TMEM132C: variants seen among roughly 807,000 people sequenced by gnomAD.
TMEM132C encodes transmembrane protein 132C.
A neutral mutation model predicts 61.4 loss-of-function variants in TMEM132C; 29 were observed. The observed-to-expected ratio is 0.47, with a 90% CI of 0.35 to 0.64. The LOEUF is 0.64. Among genes scored for constraint, TMEM132C ranks in the 30% least tolerant of loss-of-function variants. The pLI, the probability that TMEM132C is intolerant of heterozygous loss-of-function variation, is 0.00. For missense variants in TMEM132C, 1,408 were observed against 1,476.9 expected (o/e 0.95, Z 0.76); for synonymous variants, 656 against 633.1 (o/e 1.04, Z -0.54).
chr12:128,582,459 G>C (rs1875376173), intron 3 of TMEM132C, among the ~76,000 whole-genome samples: 1 of 147,080 alleles, frequency 6.8e-6, no homozygotes, highest in South Asian at 2.2e-4. Flanking sequence ...CTGTCACCCA[G>C]TGATATGGTT....
chr12:128,371,841 AG>A (rs967557135), intron 1 of TMEM132C, among the ~76,000 whole-genome samples: 12 of 152,302 alleles, frequency 7.9e-5, no homozygotes, highest in African/African-American at 2.9e-4. Context: ...AGCCTCCCAA[AG>A]CACCAGGATT....
intron 1 of TMEM132C, among the ~76,000 whole-genome samples, chr12:128,372,964 C>G (rs994433751): frequency 4.6e-5 from 7 of 152,180 alleles, no homozygotes; most frequent in South Asian, 2.1e-4. Flanking sequence ...TCAGAAGCAT[C>G]CAGTGCTGGA....
At chr12:128,652,982 C>T (rs757101420) in intron 4 of TMEM132C, among the ~76,000 whole-genome samples, 1 of 152,138 alleles carries the variant, frequency 6.6e-6, no homozygotes, top group Admixed American at 6.5e-5. Flanking sequence ...CTTAAATGTT[C>T]GTAGCAGCAT....
chr12:128,511,119 A>G (rs1175871441), intron 2 of TMEM132C, among the ~76,000 whole-genome samples: 1 of 152,140 alleles, frequency 6.6e-6, no homozygotes, highest in African/African-American at 2.4e-5. Flanking sequence ...GGATTTCTGC[A>G]ATTGATTTGT....
At chr12:128,598,310 C>G (rs1175300970) in intron 3 of TMEM132C, among the ~76,000 whole-genome samples, 1 of 152,096 alleles carries the variant, frequency 6.6e-6, no homozygotes, top group African/African-American at 2.4e-5. Context: ...GTGGCACACA[C>G]CTGTAATCCC....
At chr12:128,405,331 A>G (rs771248855) in intron 1 of TMEM132C, among the ~76,000 whole-genome samples, 1 of 152,134 alleles carries the variant, frequency 6.6e-6, no homozygotes, top group Non-Finnish European at 1.5e-5. Flanking sequence ...TAGGGAGCGT[A>G]CAGGGTGCTG....
rs1213858783 is a variant in TMEM132C at position 128,278,225 on chromosome 12, CCT to C, written c.85+10741_85+10742del. Among the ~76,000 whole-genome samples the C allele has an allele frequency of 6.6e-6, 1 of 152,134 alleles. No homozygotes were observed. The highest frequency in any genetic ancestry group is 2.4e-5 in the African/African-American group (1 of 41,442). On this transcript the variant is annotated intron_variant, in intron 1 of 8. Transcript: ENST00000435159. The surrounding 1 kb of genome is among the most constrained non-coding windows in gnomAD (Gnocchi z 4.2). ...CATTTGTTCTGCTCCGGCTTTGTTC[CCT>C]CTTTCCTGCCTCCTAAATGGCAATA...
chr12:128,616,863 T>G (rs887069099), intron 4 of TMEM132C, among the ~76,000 whole-genome samples: 4 of 152,196 alleles, frequency 2.6e-5, no homozygotes, highest in African/African-American at 9.7e-5. Context: ...TGACTCACAA[T>G]GTGGCCACTC....
chr12:128,309,529 T>C (rs1871901702), intron 1 of TMEM132C, among the ~76,000 whole-genome samples: 1 of 152,086 alleles, frequency 6.6e-6, no homozygotes, highest in African/African-American at 2.4e-5. Context: ...ATTTAATCCG[T>C]CACTCTCCAT....
At chr12:128,472,826 C>T (rs1212920773) in intron 2 of TMEM132C, among the ~76,000 whole-genome samples, 1 of 152,108 alleles carries the variant, frequency 6.6e-6, no homozygotes, top group Admixed American at 6.5e-5. Flanking sequence ...TAAAATGGTC[C>T]CTGATGATGT....
chr12:128,558,508 G>T (rs1785637502), intron 3 of TMEM132C, among the ~76,000 whole-genome samples: 1 of 152,184 alleles, frequency 6.6e-6, no homozygotes, highest in Non-Finnish European at 1.5e-5. Flanking sequence ...ATGATCATGA[G>T]GCCTCCCCAA....
intron 2 of TMEM132C, among the ~76,000 whole-genome samples, chr12:128,531,163 C>T (rs146543063): frequency 2.0e-5 from 3 of 152,222 alleles, no homozygotes; most frequent in Non-Finnish European, 4.4e-5. Context: ...TGCTGGGGAC[C>T]AGAACAGGGG....
intron 1 of TMEM132C, among the ~76,000 whole-genome samples, chr12:128,329,938 A>T (rs993401875): frequency 1.3e-5 from 2 of 152,212 alleles, no homozygotes; most frequent in Non-Finnish European, 2.9e-5. Context: ...AGTTCGTGAC[A>T]GCCTCGGTGC....
At chr12:128,428,892 A>G (rs1254501159) in intron 2 of TMEM132C, among the ~76,000 whole-genome samples, 1 of 152,194 alleles carries the variant, frequency 6.6e-6, no homozygotes, top group African/African-American at 2.4e-5. Flanking sequence ...AGATAATTTT[A>G]ACATATTTGC....
At chr12:128,639,091 T>C (rs957030983) in intron 4 of TMEM132C, among the ~76,000 whole-genome samples, 1 of 146,678 alleles carries the variant, frequency 6.8e-6, no homozygotes, top group Non-Finnish European at 1.5e-5. Flanking sequence ...ATGATGATGA[T>C]GATGGTGTTG....
chr12:128,584,161 G>A (rs1410074680), intron 3 of TMEM132C, among the ~76,000 whole-genome samples: 1 of 152,216 alleles, frequency 6.6e-6, no homozygotes, highest in East Asian at 1.9e-4. Flanking sequence ...CATGGTTTTA[G>A]TTCTCAGTCA....
At chr12:128,504,877 G>T (rs1235554893) in intron 2 of TMEM132C, among the ~76,000 whole-genome samples, 1 of 148,328 alleles carries the variant, frequency 6.7e-6, no homozygotes, top group East Asian at 2.3e-4. Flanking sequence ...ATTTTTAACT[G>T]CAAAGTCTTA....
At chr12:128,599,204 T>G (rs1031233294) in intron 3 of TMEM132C, among the ~76,000 whole-genome samples, 5 of 152,182 alleles carry the variant, frequency 3.3e-5, no homozygotes, top group Non-Finnish European at 7.3e-5. Context: ...GTTTGTCCCT[T>G]GACCCTGAAG....
chr12:128,509,366 T>C (rs1872498028), intron 2 of TMEM132C, among the ~76,000 whole-genome samples: 1 of 152,090 alleles, frequency 6.6e-6, no homozygotes, highest in African/African-American at 2.4e-5. Context: ...GGGGTCACAT[T>C]CTTTGGAGGC....
Sources: gnomAD v4.1 joint callset for allele counts (sites outside exome capture counted in the v4.1 genomes callset) on GRCh38, gnomAD v4.1.1 for gene constraint, Gnocchi (gnomAD v3.1) non-coding constraint, MANE v1.5 for transcripts, NCBI Gene and HGNC (gene_info 2026-07-23, HGNC 2026-07-21) for gene names.